The following GPR160 variants were observed in gnomAD, a reference collection of about 807,000 sequenced individuals.
GPR160 encodes the protein G protein-coupled receptor 160.
Under a neutral mutation model 2.6 loss-of-function variants are expected in GPR160, and 2 were observed. The observed-to-expected ratio is 0.77, with a 90% CI of 0.32 to 2.44. The LOEUF (loss-of-function observed/expected upper bound fraction) is 2.44. GPR160 is among the 30% of genes most tolerant of loss of function. The probability of loss-of-function intolerance (pLI) is 0.11; values close to 1 mark genes in which losing one functional copy is unlikely to be tolerated. For missense variants in GPR160, 351 were observed against 383.6 expected (o/e 0.91, Z 0.71); for synonymous variants, 130 against 132.2 (o/e 0.98, Z 0.12).
chr3:170,060,610 TA>T (rs1014077296), intron 2 of GPR160, among the ~76,000 whole-genome samples: 3 of 150,852 alleles, frequency 2.0e-5, no homozygotes, highest in Admixed American at 6.6e-5. Flanking sequence ...AACAGTATTT[TA>T]AAAAAAAATT....
intron 2 of GPR160, among the ~76,000 whole-genome samples, chr3:170,051,341 C>T (rs1446134506): frequency 6.6e-6 from 1 of 151,940 alleles, no homozygotes; most frequent in Admixed American, 6.6e-5. Flanking sequence ...CATCTTTTGC[C>T]CCATTTTAAA....
intron 2 of GPR160, chr3:170,049,779 G>T (rs1716875416): frequency 6.6e-6 from 1 of 152,346 alleles, no homozygotes; most frequent in East Asian, 1.9e-4. Flanking sequence ...AGTCACAGTA[G>T]ATGTCACTGA....
At chr3:170,077,426 CAG>C (rs1460478955) in intron 2 of GPR160, 1 of 152,006 alleles carries the variant, frequency 6.6e-6, no homozygotes, top group Non-Finnish European at 1.5e-5. Flanking sequence ...GGTAATCGGT[CAG>C]AGTGGTGGGA....
At chr3:170,040,099 G>T (rs1421595326) in intron 2 of GPR160, among the ~76,000 whole-genome samples, 1 of 152,066 alleles carries the variant, frequency 6.6e-6, no homozygotes, top group Admixed American at 6.6e-5. Context: ...CTAGATGACG[G>T]GTTGATAGGT....
At chr3:170,080,117 G>C (rs1713049291) in intron 3 of GPR160, among the ~76,000 whole-genome samples, 1 of 152,162 alleles carries the variant, frequency 6.6e-6, no homozygotes, top group Admixed American at 6.5e-5. Flanking sequence ...GCAGGAAAAG[G>C]ACCAGATCTT....
chr3:170,060,610 T>A (rs73028700), intron 2 of GPR160, among the ~76,000 whole-genome samples: 4,158 of 150,934 alleles, frequency 0.028, 178 homozygotes, highest in African/African-American at 0.095. Context: ...AACAGTATTT[T>A]AAAAAAAAAT....
intron 2 of GPR160, among the ~76,000 whole-genome samples, chr3:170,045,420 A>C (rs1412077656): frequency 1.4e-5 from 1 of 71,056 alleles, no homozygotes; most frequent in Non-Finnish European, 2.8e-5. Context: ...AAAAAAAAAA[A>C]AAAAAAAAAA....
chr3:170,067,361 C>T (rs1011311084), intron 2 of GPR160, among the ~76,000 whole-genome samples: 4 of 152,150 alleles, frequency 2.6e-5, no homozygotes, highest in African/African-American at 9.7e-5. Flanking sequence ...CCCATTTATC[C>T]TCTTTTGTGA....
chr3:170,063,943 G>T (rs1316349148), intron 2 of GPR160, among the ~76,000 whole-genome samples: 1 of 152,184 alleles, frequency 6.6e-6, no homozygotes, highest in Admixed American at 6.5e-5. Flanking sequence ...GGTGAGGAGA[G>T]TGTGGCTTGC....
intron 2 of GPR160, among the ~76,000 whole-genome samples, chr3:170,068,861 T>G (rs1712463823): frequency 6.6e-6 from 1 of 152,228 alleles, no homozygotes; most frequent in Non-Finnish European, 1.5e-5. Context: ...TGTCTGAGGA[T>G]CTTTGGATGT....
chr3:170,066,697 A>G (rs1360472157), intron 2 of GPR160, among the ~76,000 whole-genome samples: 1 of 152,218 alleles, frequency 6.6e-6, no homozygotes, highest in East Asian at 1.9e-4. Context: ...ATTTTAAACA[A>G]TGCCTCCATG....
intron 3 of GPR160, among the ~76,000 whole-genome samples, chr3:170,082,669 C>A (rs1713193379): frequency 6.6e-6 from 1 of 152,132 alleles, no homozygotes; most frequent in South Asian, 2.1e-4. Flanking sequence ...AATCATGGCT[C>A]ACTGCAGCCT....
intron 2 of GPR160, among the ~76,000 whole-genome samples, chr3:170,044,324 CAAAAA>C (rs57817027): frequency 1.1e-5 from 1 of 89,260 alleles, no homozygotes; most frequent in Non-Finnish European, 2.0e-5. Flanking sequence ...AACTCCATCT[CAAAAA>C]AAAAAAAAAA....
At chr3:170,078,587 A>G (rs1712980074) in intron 2 of GPR160, among the ~76,000 whole-genome samples, 1 of 152,226 alleles carries the variant, frequency 6.6e-6, no homozygotes, top group Non-Finnish European at 1.5e-5. Context: ...CGTTTATGAA[A>G]GGATTAATTG....
intron 2 of GPR160, among the ~76,000 whole-genome samples, chr3:170,060,254 A>G (rs887761109): frequency 2.0e-5 from 3 of 152,242 alleles, no homozygotes; most frequent in Non-Finnish European, 4.4e-5. Context: ...AAATAAATCA[A>G]TGAATCTATA....
chr3:170,075,781 A>G (rs1198023321), intron 2 of GPR160, among the ~76,000 whole-genome samples: 1 of 152,220 alleles, frequency 6.6e-6, no homozygotes, highest in African/African-American at 2.4e-5. Context: ...ATAATTCTAC[A>G]CTGAAGGAGA....
chr3:170,054,059 A>T (rs1046679168), intron 2 of GPR160, among the ~76,000 whole-genome samples: 2 of 151,670 alleles, frequency 1.3e-5, no homozygotes, highest in African/African-American at 4.8e-5. Flanking sequence ...TGAATCAGAC[A>T]ATTTCCATAA....
intron 2 of GPR160, among the ~76,000 whole-genome samples, chr3:170,072,473 T>C (rs1258085218): frequency 6.6e-6 from 1 of 152,202 alleles, no homozygotes; most frequent in Admixed American, 6.5e-5. Context: ...TGTGTCATTA[T>C]AAAGCATACC....
intron 2 of GPR160, among the ~76,000 whole-genome samples, chr3:170,040,586 C>G (rs890346440): frequency 6.6e-6 from 1 of 152,160 alleles, no homozygotes; most frequent in South Asian, 2.1e-4. Flanking sequence ...TGCCTCCGGT[C>G]GGGCGGATTG....
Sources: allele counts gnomAD v4.1 joint callset (sites outside exome capture counted in the v4.1 genomes callset), GRCh38; gene constraint gnomAD v4.1.1; transcripts MANE v1.5; gene names NCBI Gene and HGNC (gene_info 2026-07-23, HGNC 2026-07-21).